The following MROH2A variants were observed in gnomAD, a reference collection of about 807,000 sequenced individuals.
The protein encoded by MROH2A is maestro heat like repeat family member 2A.
In MROH2A, 174 loss-of-function variants were observed where a neutral mutation model predicts 200.4. The ratio of observed to expected loss-of-function variants is 0.87; its 90% CI spans 0.77 to 0.98. The LOEUF is 0.98. MROH2A is among the 50% of genes least tolerant of loss of function. MROH2A has a pLI of 0.00. For missense variants in MROH2A, 2,045 were observed against 2,139.6 expected, an observed-to-expected ratio of 0.96 and a Z score of 0.87; for synonymous variants, 829 against 840.4, an observed-to-expected ratio of 0.99 and a Z score of 0.23.
chr2:233,819,226 G>A, intron 29 of MROH2A, 91 bp from the exon 30 acceptor site: 10 of 1,298,842 alleles, frequency 7.7e-6, no homozygotes, highest in Non-Finnish European at 1.1e-5. Flanking sequence ...GGAGCCTGGA[G>A]TGGGGCCATG....
chr2:233,802,074 A>G (rs1575952997), intron 14 of MROH2A, 94 bp from the exon 15 acceptor site: 1 of 1,333,590 alleles, frequency 7.5e-7, no homozygotes, highest in South Asian at 1.6e-5. Flanking sequence ...GGAAGCAGGG[A>G]TGGGATGGCA....
At position 233,800,220 on chromosome 2, in the gene MROH2A, A is replaced by C; in HGVS notation, c.1465A>C (p.Lys489Gln). The C allele has an allele frequency of 6.5e-7, 1 of 1,548,950 alleles. No homozygotes were observed. The change falls in exon 14 of 42, where the codon AAG (lysine) becomes CAG (glutamine). Residue 489 changes from lysine to glutamine, a missense_variant. This residue lies in a region of MROH2A where 831 missense variants were observed against 800.0 expected (regional missense o/e 1.04). Transcript: ENST00000389758. The stretch of plus-strand genomic sequence containing the variant: ...TTTCTTCCAGACAAATCGCCGGGAG[A>C]AGTTTTATCAGAGGGACTTGGAGGA... ...STYKLTNRRE[K>Q]FYQRDLEERM...
At chr2:233,831,629 T>C (rs11562980) in intron 39 of MROH2A, 89 bp downstream of exon 39, 93,001 of 1,408,902 alleles carry the variant, frequency 0.066, 3,399 homozygotes, top group Non-Finnish European at 0.074. Flanking sequence ...AGCTCTTTCT[T>C]GGGGCCCTAT....
chr2:233,784,566 A>G lies in MROH2A; in HGVS notation c.276+4714A>G, dbSNP rs1328061122. ...AGGGAGGTGTTCGGGTCATGGGGGA[A>G]GATCCCTCATGAATGTCTTGGTGCC... is the stretch of plus-strand genomic sequence containing the variant. On this transcript the variant is annotated intron_variant, in intron 3 of 41. Coordinates refer to ENST00000389758, the MANE Select transcript of MROH2A (RefSeq NM_001394639.1). Among the ~76,000 whole-genome samples, 14 of 152,140 alleles carry G rather than the reference A, an allele frequency of 9.2e-5. 1 individual carries two copies. Among genetic ancestry groups the G allele is most frequent in the Admixed American group, 9.2e-4 (14 of 15,270 alleles).
At position 233,828,654 on chromosome 2, in the gene MROH2A, CAGG is replaced by C; in HGVS notation, c.4141_4143del (p.Glu1381del). The C allele has an allele frequency of 1.3e-6, 2 of 1,550,782 alleles. No homozygotes were observed. The highest frequency in any genetic ancestry group is 1.7e-6 in the Non-Finnish European group (2 of 1,147,020). On this transcript the variant is annotated inframe_deletion, in exon 36 of 42. Coordinates refer to ENST00000389758, the MANE Select transcript of MROH2A (RefSeq NM_001394639.1). This position sits in a 1 kb window ranked among gnomAD's most constrained non-coding sequence, Gnocchi z 4.6. ...GTTCATGAGCGGCCCAGTTCTGTAC[CAGG>C]AGAAGCTGCTGAAGCCGGCAGCTTT...
At chr2:233,808,996 C>A in intron 21 of MROH2A, 130 bp from the exon 22 acceptor site, 1 of 981,282 alleles carries the variant, frequency 1.0e-6, no homozygotes, top group East Asian at 2.6e-5. Flanking sequence ...TTCAGGCACC[C>A]AGAAAACAGT....
chr2:233,779,488 C>G, intron 2 of MROH2A, 36 bp downstream of exon 2: 3 of 1,483,194 alleles, frequency 2.0e-6, no homozygotes, highest in Non-Finnish European at 2.8e-6. Context: ...TTTCCTGCCC[C>G]ATCTCAGACA....
intron 3 of MROH2A, among the ~76,000 whole-genome samples, chr2:233,780,580 G>A (rs577549742): frequency 5.3e-5 from 8 of 152,184 alleles, no homozygotes; most frequent in East Asian, 1.9e-4. Context: ...TTGCATTTGC[G>A]TTTTCCCCCT....
At chr2:233,804,402 G>A in intron 17 of MROH2A, 93 bp from the exon 18 acceptor site, 1 of 1,428,324 alleles carries the variant, frequency 7.0e-7, no homozygotes, top group Non-Finnish European at 9.6e-7. Flanking sequence ...GGCCTCAAAT[G>A]CCACGCTAAG....
At position 233,799,773 on chromosome 2, in the gene MROH2A, C is replaced by T. The variant is rs1702338691; in HGVS notation, c.1330-7C>T. On this transcript the variant is annotated splice_region_variant and splice_polypyrimidine_tract_variant and intron_variant, in intron 12 of 41. Coordinates refer to ENST00000389758, the MANE Select transcript of MROH2A (RefSeq NM_001394639.1). ...CCCCCAGCATGTCCACGGTCCTGTC[C>T]CCTCAGGTGAGGATGGCTATTCTCC... 6.5e-7 allele frequency: 1 copy of T among 1,550,246 alleles called. No homozygotes were observed.
At chr2:233,800,020 G>T in intron 13 of MROH2A, 121 bp downstream of exon 13, 1 of 1,345,988 alleles carries the variant, frequency 7.4e-7, no homozygotes, top group East Asian at 2.5e-5. Flanking sequence ...TTCATGACAG[G>T]AGTTCATAGA....
At chr2:233,825,921 C>CTTTTTTTTTTTTTTTTT (rs34849761) in intron 35 of MROH2A, among the ~76,000 whole-genome samples, 1 of 95,250 alleles carries the variant, frequency 1.0e-5, no homozygotes, top group Non-Finnish European at 1.9e-5. Context: ...TTTCTTTTTC[C>CTTTTTTTTTTTTTTTTT]TTTTTTTTTT....
chr2:233,802,562 C>T (rs958473064), intron 15 of MROH2A: 9 of 420,078 alleles, frequency 2.1e-5, no homozygotes, highest in African/African-American at 3.9e-5. Flanking sequence ...CCCCAGCCCA[C>T]AGCCCTGGTC....
At chr2:233,800,971 C>A (rs974362026) in intron 14 of MROH2A, among the ~76,000 whole-genome samples, 1 of 152,154 alleles carries the variant, frequency 6.6e-6, no homozygotes, top group Admixed American at 6.5e-5. Flanking sequence ...TAATCATCAT[C>A]ATCATCATAG....
chr2:233,798,902 G>T lies in MROH2A; in HGVS notation c.1329+52G>T, dbSNP rs900034727. On this transcript the variant is annotated intron_variant, in intron 12 of 41. Transcript: ENST00000389758. The stretch of plus-strand genomic sequence containing the variant: ...GGGGCACTCAGGGGACCCTGCCAGG[G>T]AGGCAAAGGGAAGTCTGGGCTCTGG... The T allele has an allele frequency of 2.1e-6, 3 of 1,433,792 alleles. No homozygotes were observed. In the South Asian group the frequency reaches 3.7e-5, roughly 18 times the overall value. The allele number at this position is 1,433,792 out of a possible 1,614,324, so 88.8% of individuals were successfully genotyped here.
At chr2:233,776,504 A>C (rs1700710795), upstream of MROH2A, among the ~76,000 whole-genome samples, 1 of 151,844 alleles carries the variant, frequency 6.6e-6, no homozygotes, top group South Asian at 2.1e-4. Context: ...TTACAGGCAC[A>C]TGCCACCCCA....
intron 7 of MROH2A, 27 bp downstream of exon 7, chr2:233,793,851 C>G: frequency 7.3e-7 from 1 of 1,372,836 alleles, no homozygotes; most frequent in Non-Finnish European, 9.4e-7. Context: ...TTAGGAGGGC[C>G]TGGTGGTCCC....
intron 13 of MROH2A, 51 bp downstream of exon 13, chr2:233,799,950 T>C: frequency 6.5e-7 from 1 of 1,549,166 alleles, no homozygotes. Flanking sequence ...TGGAAATGGT[T>C]TCCACAGTGC....
At position 233,819,489 on chromosome 2, in the gene MROH2A, G is replaced by A. The variant is rs1007244437; in HGVS notation, c.3357+20G>A. The A allele has an allele frequency of 1.3e-6, 2 of 1,547,864 alleles. No individual in the cohort carries two copies. Among genetic ancestry groups the A allele is most frequent in the Middle Eastern group, 1.7e-4 (1 of 5,804 alleles). ...GACAAGGTGGCAGAGCCGCGGCAGG[G>A]CCACCAGAGAGAGGGGCTGGGGCTG... On this transcript the variant is annotated intron_variant, in intron 30 of 41. Transcript: ENST00000389758.
Sources: gnomAD v4.1 joint callset for allele counts (sites outside exome capture counted in the v4.1 genomes callset) on GRCh38, gnomAD v4.1.1 for gene constraint, gnomAD v4.1.1 regional missense constraint, Gnocchi (gnomAD v3.1) non-coding constraint, MANE v1.5 for transcripts, NCBI Gene and HGNC (gene_info 2026-07-23, HGNC 2026-07-21) for gene names.